Variants in CDH12 observed in about 807,000 individuals in gnomAD.
The protein encoded by CDH12 is cadherin-12.
A neutral mutation model predicts 74.1 loss-of-function variants in CDH12; 41 were observed. The observed-to-expected ratio is 0.55, with a 90% CI of 0.43 to 0.72. CDH12 has a LOEUF of 0.72. CDH12 is among the 30% of genes least tolerant of loss of function. The pLI, the probability that CDH12 is intolerant of heterozygous loss-of-function variation, is 0.00. For synonymous variants in CDH12, 399 were observed against 355.0 expected (o/e 1.12, Z -1.39); for missense variants, 945 against 977.2 (o/e 0.97, Z 0.44).
chr5:22,122,357 C>T (rs905667021), intron 4 of CDH12, among the ~76,000 whole-genome samples: 6 of 152,120 alleles, frequency 3.9e-5, no homozygotes, highest in African/African-American at 1.2e-4. Flanking sequence ...GAGCTGAAAT[C>T]GTGCTGCTGC....
At chr5:22,760,704 A>AC (rs1746175733) in intron 1 of CDH12, among the ~76,000 whole-genome samples, 1 of 137,830 alleles carries the variant, frequency 7.3e-6, no homozygotes. Flanking sequence ...AAAAAAACAA[A>AC]AAAAAAAAGG....
At chr5:22,498,901 C>CTTTTTGTTTTT (rs1747218117) in intron 2 of CDH12, among the ~76,000 whole-genome samples, 1 of 73,434 alleles carries the variant, frequency 1.4e-5, no homozygotes, top group Admixed American at 1.8e-4. Flanking sequence ...TTTTCTGTTT[C>CTTTTTGTTTTT]TTTTTTTTTT....
rs114773285 is a variant in CDH12 at position 22,412,308 on chromosome 5, A to G, written c.-427-6957T>C. ...ATTACTCAGCCTGTGTCCATCTGCT[A>G]TAAGTCAACTGAATTAGATTTCAAA... On this transcript the variant is annotated intron_variant, in intron 2 of 14. Coordinates refer to ENST00000382254, the MANE Select transcript of CDH12 (RefSeq NM_004061.5). Among the ~76,000 whole-genome samples the G allele has an allele frequency of 7.1e-3, 1,078 of 152,074 alleles. 12 individuals are homozygous for G. The highest frequency in any genetic ancestry group is 0.018 in the African/African-American group (739 of 41,560).
intron 1 of CDH12, among the ~76,000 whole-genome samples, chr5:22,725,312 T>C (rs1334934451): frequency 1.3e-5 from 2 of 151,930 alleles, no homozygotes; most frequent in East Asian, 3.9e-4. Context: ...ATTGATAATA[T>C]ATACAATGGA....
chr5:21,802,515 C>T (rs1405777854), intron 9 of CDH12, 95 bp from the exon 10 acceptor site: 2 of 973,762 alleles, frequency 2.1e-6, no homozygotes, highest in Non-Finnish European at 3.1e-6. Context: ...AAGTTATTAT[C>T]AATTATACTG....
At chr5:21,948,130 T>C (rs925968718) in intron 6 of CDH12, among the ~76,000 whole-genome samples, 5 of 152,172 alleles carry the variant, frequency 3.3e-5, no homozygotes, top group African/African-American at 1.2e-4. Context: ...GAACCTCTGC[T>C]AGGGTAGTGC....
chr5:22,098,704 A>G (rs554290757), intron 4 of CDH12, among the ~76,000 whole-genome samples: 4 of 152,120 alleles, frequency 2.6e-5, no homozygotes, highest in Admixed American at 6.5e-5. Flanking sequence ...GGCCTCCCAC[A>G]TTATTCCTGA....
At chr5:21,779,408 T>G (rs1745784136) in intron 11 of CDH12, 1 of 152,054 alleles carries the variant, frequency 6.6e-6, no homozygotes, top group Non-Finnish European at 1.5e-5. Flanking sequence ...AACACAAAAA[T>G]CCTAGAAACA....
intron 1 of CDH12, among the ~76,000 whole-genome samples, chr5:22,623,476 G>C (rs138597535): frequency 0.069 from 10,541 of 152,148 alleles, 453 homozygotes; most frequent in East Asian, 0.24. Flanking sequence ...TCTCAGGATA[G>C]AAAATCAATG....
At chr5:22,134,459 T>A (rs900179064) in intron 4 of CDH12, among the ~76,000 whole-genome samples, 11 of 151,848 alleles carry the variant, frequency 7.2e-5, no homozygotes, top group African/African-American at 2.7e-4. Flanking sequence ...AGAAGAGGAA[T>A]GTGATAGGAA....
At chr5:22,102,940 T>C (rs1237487366) in intron 4 of CDH12, among the ~76,000 whole-genome samples, 3 of 152,092 alleles carry the variant, frequency 2.0e-5, no homozygotes, top group African/African-American at 4.8e-5. Context: ...TAACATACTG[T>C]AGGAAACACT....
chr5:22,796,673 C>A lies in CDH12; in HGVS notation c.-523+56385G>T, dbSNP rs977095869. Reference sequence around the variant, plus strand: ...TAGCTGGGACTACAGGCGCCCGCCACTACGCCCGGCTAATTTTTTTGTATT... The same window carrying A: ...TAGCTGGGACTACAGGCGCCCGCCAATACGCCCGGCTAATTTTTTTGTATT... On this transcript the variant is annotated intron_variant, in intron 1 of 14. Transcript: ENST00000382254. 5.0e-4 allele frequency among the ~76,000 whole-genome samples: 67 copies of A among 133,262 alleles called. 8 individuals carry two copies. The highest frequency in any genetic ancestry group is 9.2e-4 in the Non-Finnish European group (59 of 64,400). The allele number at this position is 133,262 out of a possible 152,430, so 87.4% of individuals were successfully genotyped here.
intron 1 of CDH12, among the ~76,000 whole-genome samples, chr5:22,833,303 T>C (rs900913682): frequency 5.9e-5 from 9 of 152,196 alleles, no homozygotes; most frequent in African/African-American, 2.2e-4. Context: ...GAGAAAACTG[T>C]ATTGATCATA....
At chr5:22,145,781 C>T (rs1747129369) in intron 4 of CDH12, among the ~76,000 whole-genome samples, 1 of 151,854 alleles carries the variant, frequency 6.6e-6, no homozygotes, top group Admixed American at 6.6e-5. Context: ...ATCGAAGGTA[C>T]AAAATAGAGC....
At chr5:21,867,814 G>A (rs1347080620) in intron 6 of CDH12, among the ~76,000 whole-genome samples, 1 of 152,212 alleles carries the variant, frequency 6.6e-6, no homozygotes, top group African/African-American at 2.4e-5. Context: ...TGTTGGGAAA[G>A]CATGATTGGC....
chr5:22,506,828 T>A (rs980465409), intron 1 of CDH12, among the ~76,000 whole-genome samples: 2 of 152,192 alleles, frequency 1.3e-5, no homozygotes, highest in Non-Finnish European at 2.9e-5. Context: ...CATTATTTCA[T>A]ACTGATAACT....
intron 3 of CDH12, among the ~76,000 whole-genome samples, chr5:22,239,037 C>A (rs970038427): frequency 1.2e-4 from 18 of 152,090 alleles, no homozygotes; most frequent in African/African-American, 4.1e-4. Flanking sequence ...ATAAGAATTT[C>A]TAGTAATAAA....
At chr5:21,767,347 G>T (rs531191897) in intron 11 of CDH12, among the ~76,000 whole-genome samples, 5 of 151,502 alleles carry the variant, frequency 3.3e-5, no homozygotes, top group Non-Finnish European at 7.4e-5. Context: ...ATGAATTTAG[G>T]CCTGGTTTAT....
intron 7 of CDH12, among the ~76,000 whole-genome samples, chr5:21,847,788 T>C (rs1750256318): frequency 6.6e-6 from 1 of 152,152 alleles, no homozygotes; most frequent in Non-Finnish European, 1.5e-5. Context: ...GCATACATAC[T>C]CTTCCTTAAT....
Sources: gnomAD v4.1 joint callset for allele counts (sites outside exome capture counted in the v4.1 genomes callset) on GRCh38, gnomAD v4.1.1 for gene constraint, MANE v1.5 for transcripts, NCBI Gene and HGNC (gene_info 2026-07-23, HGNC 2026-07-21) for gene names.